The following EP300 variants were observed in gnomAD, a reference collection of about 807,000 sequenced individuals.
EP300 encodes histone acetyltransferase p300.
A neutral mutation model predicts 264.0 loss-of-function variants in EP300; 31 were observed. The observed-to-expected ratio is 0.12, with a 90% CI of 0.09 to 0.16. The LOEUF (loss-of-function observed/expected upper bound fraction) is 0.16. EP300 is among the 10% of genes least tolerant of loss of function. The probability of loss-of-function intolerance (pLI) is 1.00; values close to 1 mark genes in which losing one functional copy is unlikely to be tolerated. For missense variants in EP300, 2,766 were observed against 3,052.9 expected (o/e 0.91, Z 2.21); for synonymous variants, 1,340 against 1,045.4 (o/e 1.28, Z -5.44).
At chr22:41,131,731 A>G (rs1424844485) in intron 6 of EP300, 98 bp downstream of exon 6, 32 of 1,565,980 alleles carry the variant, frequency 2.0e-5, no homozygotes, top group Non-Finnish European at 2.8e-5. Context: ...TTTCTGCTAC[A>G]TGATTTTTTA....
intron 3 of EP300, among the ~76,000 whole-genome samples, chr22:41,126,741 T>C (rs1445845500): frequency 8.1e-6 from 1 of 123,610 alleles, no homozygotes; most frequent in Non-Finnish European, 1.7e-5. Flanking sequence ...TTTTTTTTTT[T>C]TTTTTTTTTT....
At chr22:41,169,138 A>C (rs1282930854) in intron 25 of EP300, 4 of 570,720 alleles carry the variant, frequency 7.0e-6, no homozygotes, top group Middle Eastern at 4.7e-4. Flanking sequence ...TACTCTTCAG[A>C]AAATGAGCTT....
chr22:41,114,127 T>A (rs1324920616), intron 1 of EP300, among the ~76,000 whole-genome samples: 2 of 151,980 alleles, frequency 1.3e-5, no homozygotes, highest in African/African-American at 2.4e-5. Context: ...TAAGCAGGCA[T>A]TTTTGAATAG....
intron 1 of EP300, among the ~76,000 whole-genome samples, chr22:41,098,360 C>T (rs753252548): frequency 6.6e-6 from 1 of 152,114 alleles, no homozygotes; most frequent in African/African-American, 2.4e-5. Flanking sequence ...TATAAATGTC[C>T]CAAAGCAATT....
At position 41,164,199 on chromosome 22, in the gene EP300, T is replaced by C. The variant is rs1035510890; in HGVS notation, c.3806+69T>C. On this transcript the variant is annotated intron_variant, in intron 22 of 30. Coordinates refer to ENST00000263253, the MANE Select transcript of EP300 (RefSeq NM_001429.4). ...GTGAATATTAACAAGTTTTTTATTCTATGCAATTGACTGTATTATATCTTC... is the reference window on the plus strand; with the variant it reads ...GTGAATATTAACAAGTTTTTTATTCCATGCAATTGACTGTATTATATCTTC... 29 of 1,342,880 alleles carry C rather than the reference T, an allele frequency of 2.2e-5. No homozygotes were observed. In the African/African-American group the frequency reaches 4.0e-4, roughly 19 times the overall value. The allele number at this position is 1,342,880 out of a possible 1,614,324, so 83.2% of individuals were successfully genotyped here.
intron 1 of EP300, among the ~76,000 whole-genome samples, chr22:41,106,993 G>T (rs780439832): frequency 6.6e-6 from 1 of 151,996 alleles, no homozygotes; most frequent in Non-Finnish European, 1.5e-5. Flanking sequence ...TGCAACCTCC[G>T]CCTCCAAGGT....
At chr22:41,125,413 C>T (rs1287391152) in intron 2 of EP300, among the ~76,000 whole-genome samples, 6 of 150,840 alleles carry the variant, frequency 4.0e-5, no homozygotes, top group Admixed American at 6.6e-5. Context: ...CCACTGCGCC[C>T]GGCTGTTTTT....
intron 19 of EP300, 47 bp downstream of exon 19, chr22:41,158,547 A>C (rs1569111519): frequency 6.6e-7 from 1 of 1,509,604 alleles, no homozygotes; most frequent in Non-Finnish European, 9.2e-7. Context: ...CCACATGTCC[A>C]GGGAGTGCAT....
Position 41,147,877 on chromosome 22 carries a change from T to A in EP300, c.2172T>A (p.Pro724=). ...GCCAGATGAGCATGGCCCAGCCCCC[T>A]ATTGTACCCCGGCAAACCCCTCCTC... ...QFGQMSMAQP[P]IVPRQTPPLQ... Residue 724 remains proline (P), a synonymous_variant, in exon 12 of 31, where the codon CCT becomes CCA. Transcript: ENST00000263253. 1.2e-6 allele frequency: 2 copies of A among 1,614,156 alleles called. No homozygotes were observed. Among genetic ancestry groups the A allele is most frequent in the African/African-American group, 2.7e-5 (2 of 75,042 alleles).
rs762125682 is a variant in EP300, at chr22:41,176,262, C to T, written c.4795C>T (p.Arg1599Cys). The change falls in exon 30 of 31, where the codon CGC (arginine) becomes TGC (cysteine). Residue 1599 changes from arginine to cysteine, a missense_variant. Physicochemically the swap from Arg to Cys is radical, Grantham distance 180. Coordinates refer to ENST00000263253, the MANE Select transcript of EP300 (RefSeq NM_001429.4). The part of the protein sequence containing the change: ...EKHKEVFFVI[R>C]LIAGPAANSL... Reference sequence around the variant, plus strand: ...TGTTTTTCAGGTCTTCTTTGTGATCCGCCTCATTGCTGGCCCTGCTGCCAA... The same window carrying T: ...TGTTTTTCAGGTCTTCTTTGTGATCTGCCTCATTGCTGGCCCTGCTGCCAA... 4 of 1,614,052 alleles carry T rather than the reference C, an allele frequency of 2.5e-6. No homozygotes were observed. Among genetic ancestry groups the T allele is most frequent in the Non-Finnish European group, 3.4e-6 (4 of 1,180,042 alleles).
In EP300 at chr22:41,160,731, C is replaced by T. The variant is rs2145752641; in HGVS notation, c.3671+9C>T. Reference sequence around the variant, plus strand: ...CCTTCCCAGCCTCAAACGTAAGTAACTGCATTATTTTGAAAAGTGCTAATT... The same window carrying T: ...CCTTCCCAGCCTCAAACGTAAGTAATTGCATTATTTTGAAAAGTGCTAATT... On this transcript the variant is annotated intron_variant, in intron 20 of 30. Transcript: ENST00000263253. 1.2e-6 allele frequency: 2 copies of T among 1,612,910 alleles called. No individual in the cohort carries two copies. Among genetic ancestry groups the T allele is most frequent in the East Asian group, 2.2e-5 (1 of 44,876 alleles).
chr22:41,101,474 C>T (rs964912319), intron 1 of EP300, among the ~76,000 whole-genome samples: 5 of 150,234 alleles, frequency 3.3e-5, no homozygotes, highest in Non-Finnish European at 5.9e-5. Flanking sequence ...TGCAGTGACA[C>T]GATCTCGGCT....
intron 6 of EP300, among the ~76,000 whole-genome samples, chr22:41,135,422 TG>T: frequency 6.6e-6 from 1 of 152,302 alleles, no homozygotes; most frequent in South Asian, 2.1e-4. Flanking sequence ...ATGATAATTT[TG>T]GGGGATTTTT....
intron 18 of EP300, 82 bp downstream of exon 18, chr22:41,157,490 C>T (rs2145748194): frequency 1.5e-6 from 2 of 1,327,932 alleles, no homozygotes; most frequent in Non-Finnish European, 1.1e-6. Flanking sequence ...AAGAGAATAT[C>T]CTGCTTCTGG....
chr22:41,102,842 G>T (rs995140153), intron 1 of EP300, among the ~76,000 whole-genome samples: 1 of 152,084 alleles, frequency 6.6e-6, no homozygotes, highest in Admixed American at 6.6e-5. Flanking sequence ...AACTTGTTGG[G>T]TGATGATTTA....
intron 1 of EP300, among the ~76,000 whole-genome samples, chr22:41,103,516 A>C (rs2058742726): frequency 6.6e-6 from 1 of 152,180 alleles, no homozygotes; most frequent in East Asian, 1.9e-4. Flanking sequence ...TTGACAGAGT[A>C]GGTTTGGAGC....
At chr22:41,109,655 A>G (rs1182859544) in intron 1 of EP300, among the ~76,000 whole-genome samples, 2 of 152,176 alleles carry the variant, frequency 1.3e-5, no homozygotes, top group African/African-American at 4.8e-5. Flanking sequence ...AATCACAAAT[A>G]ACATGAAGTA....
chr22:41,164,014 G>C (rs775523630), intron 21 of EP300, 39 bp from the exon 22 acceptor site: 5 of 1,588,814 alleles, frequency 3.1e-6, no homozygotes, highest in Non-Finnish European at 4.3e-6. Context: ...ATTTGGTTAA[G>C]GTTTGGGGTT....
chr22:41,126,274 A>T (rs772837989), intron 3 of EP300: 1 of 498,086 alleles, frequency 2.0e-6, no homozygotes, highest in Non-Finnish European at 3.6e-6. Context: ...GGAGTAAGTG[A>T]ACTGCTACAA....
Sources: gnomAD v4.1 joint callset for allele counts (sites outside exome capture counted in the v4.1 genomes callset) on GRCh38, gnomAD v4.1.1 for gene constraint, MANE v1.5 for transcripts, NCBI Gene and HGNC (gene_info 2026-07-23, HGNC 2026-07-21) for gene names.